CPQ: variants seen among roughly 807,000 people sequenced by gnomAD.
CPQ encodes carboxypeptidase Q.
In CPQ, 37 loss-of-function variants were observed where a neutral mutation model predicts 45.7. The observed-to-expected ratio is 0.81, with a 90% CI of 0.62 to 1.07. The LOEUF (loss-of-function observed/expected upper bound fraction) is 1.07. Among genes scored for constraint, CPQ ranks in the 50% least tolerant of loss-of-function variants. CPQ has a pLI of 0.00. For missense variants in CPQ, 537 were observed against 572.9 expected, an observed-to-expected ratio of 0.94 and a Z score of 0.64; for synonymous variants, 186 against 205.8, an observed-to-expected ratio of 0.90 and a Z score of 0.82.
intron 5 of CPQ, among the ~76,000 whole-genome samples, chr8:97,009,388 C>T (rs1329864654): frequency 6.6e-6 from 1 of 152,142 alleles, no homozygotes; most frequent in African/African-American, 2.4e-5. Flanking sequence ...TCTGATTTGT[C>T]CTTATTGTAG....
intron 6 of CPQ, among the ~76,000 whole-genome samples, chr8:97,054,846 C>A (rs1408114286): frequency 6.6e-6 from 1 of 152,086 alleles, no homozygotes; most frequent in Admixed American, 6.6e-5. Flanking sequence ...GTTACGGGTG[C>A]ACTAAAATCC....
intron 2 of CPQ, among the ~76,000 whole-genome samples, chr8:96,814,784 T>C (rs555047671): frequency 1.7e-4 from 26 of 152,212 alleles, no homozygotes; most frequent in African/African-American, 5.1e-4. Flanking sequence ...GATGCATAGA[T>C]TTTTAAAAAG....
At chr8:96,735,835 A>G (rs1191695249) in intron 1 of CPQ, among the ~76,000 whole-genome samples, 1 of 152,060 alleles carries the variant, frequency 6.6e-6, no homozygotes, top group East Asian at 1.9e-4. Context: ...TATATCTTCT[A>G]ACAGCAAGTC....
intron 1 of CPQ, among the ~76,000 whole-genome samples, chr8:96,762,863 A>G (rs1810421628): frequency 6.6e-6 from 1 of 152,178 alleles, no homozygotes; most frequent in African/African-American, 2.4e-5. Flanking sequence ...TCAATTTTTT[A>G]GTCCATTTTT....
chr8:96,738,023 A>G (rs1039808957), intron 1 of CPQ, among the ~76,000 whole-genome samples: 1 of 151,996 alleles, frequency 6.6e-6, no homozygotes, highest in Non-Finnish European at 1.5e-5. Flanking sequence ...CTAATGTGTA[A>G]TTTTGTTTGA....
At chr8:96,667,761 G>A (rs1046723468) in intron 1 of CPQ, among the ~76,000 whole-genome samples, 1 of 151,982 alleles carries the variant, frequency 6.6e-6, no homozygotes, top group African/African-American at 2.4e-5. Flanking sequence ...TTGCTCTACT[G>A]TCTGCCAACT....
intron 7 of CPQ, among the ~76,000 whole-genome samples, chr8:97,074,998 G>A (rs577597507): frequency 2.0e-5 from 3 of 152,194 alleles, no homozygotes; most frequent in Non-Finnish European, 2.9e-5. Flanking sequence ...ATACCGGAAC[G>A]CTTTACAAGG....
At chr8:96,815,922 A>T (rs1811223189) in intron 2 of CPQ, among the ~76,000 whole-genome samples, 1 of 152,158 alleles carries the variant, frequency 6.6e-6, no homozygotes, top group Non-Finnish European at 1.5e-5. Context: ...GCTAACTGTC[A>T]TCTGTGCCTT....
chr8:96,858,135 T>C (rs746945976), intron 3 of CPQ, among the ~76,000 whole-genome samples: 15 of 152,124 alleles, frequency 9.9e-5, no homozygotes, highest in Non-Finnish European at 1.6e-4. Context: ...GATGTGTATA[T>C]GAAGACTGTG....
intron 5 of CPQ, among the ~76,000 whole-genome samples, chr8:97,015,132 G>C (rs901879397): frequency 2.0e-5 from 3 of 152,054 alleles, no homozygotes; most frequent in Non-Finnish European, 2.9e-5. Flanking sequence ...ACTTGTACTT[G>C]ATTTACCATC....
intron 3 of CPQ, among the ~76,000 whole-genome samples, chr8:96,844,479 T>G (rs1347403198): frequency 1.3e-5 from 2 of 152,226 alleles, no homozygotes; most frequent in Non-Finnish European, 2.9e-5. Flanking sequence ...GCTCTCCCAT[T>G]TAGATGCTGT....
At chr8:97,136,187 A>AAAG (rs1772831087) in intron 7 of CPQ, among the ~76,000 whole-genome samples, 1 of 152,190 alleles carries the variant, frequency 6.6e-6, no homozygotes, top group African/African-American at 2.4e-5. Flanking sequence ...TACAAAAAAA[A>AAAG]AAGATTCATA....
chr8:96,767,995 T>C (rs1810491419), intron 1 of CPQ, among the ~76,000 whole-genome samples: 1 of 152,080 alleles, frequency 6.6e-6, no homozygotes, highest in African/African-American at 2.4e-5. Context: ...CAGCCTGGGA[T>C]GTGGTCTCCA....
At chr8:96,733,150 C>G (rs1809934058) in intron 1 of CPQ, among the ~76,000 whole-genome samples, 1 of 151,934 alleles carries the variant, frequency 6.6e-6, no homozygotes, top group African/African-American at 2.4e-5. Context: ...TCATGTAGAC[C>G]CTCCTCAAAT....
chr8:96,680,126 A>C (rs912982404), intron 1 of CPQ, among the ~76,000 whole-genome samples: 8 of 152,046 alleles, frequency 5.3e-5, no homozygotes, highest in Non-Finnish European at 1.5e-5. Context: ...TCACATCTTC[A>C]TTTGTTTCCA....
intron 4 of CPQ, among the ~76,000 whole-genome samples, chr8:96,960,677 T>C (rs1175382712): frequency 6.6e-6 from 1 of 152,190 alleles, no homozygotes; most frequent in Non-Finnish European, 1.5e-5. Context: ...ATAAACACAA[T>C]GCTAACTTTG....
At chr8:96,886,307 T>C (rs888948171) in intron 4 of CPQ, among the ~76,000 whole-genome samples, 9 of 152,196 alleles carry the variant, frequency 5.9e-5, no homozygotes, top group Admixed American at 3.3e-4. Context: ...TGGGAAATCA[T>C]GGTATATTTA....
At chr8:96,854,168 C>T (rs1410319473) in intron 3 of CPQ, among the ~76,000 whole-genome samples, 6 of 152,070 alleles carry the variant, frequency 3.9e-5, no homozygotes, top group Non-Finnish European at 7.4e-5. Flanking sequence ...GTTGCCACAT[C>T]CTATGGAGGT....
At position 96,878,219 on chromosome 8, in the gene CPQ, G is replaced by A. The variant is rs559301797; in HGVS notation, c.642-1579G>A. ...TTGACCTCATGATCCACCTGCCTCA[G>A]CCTCCCAATGTGCTGGGACTACAGG... On this transcript the variant is annotated intron_variant, in intron 3 of 7. Transcript: ENST00000220763. Among the ~76,000 whole-genome samples, 344 of 152,214 alleles carry A rather than the reference G, an allele frequency of 2.3e-3. 2 individuals carry two copies. The highest frequency in any genetic ancestry group is 7.7e-3 in the African/African-American group (321 of 41,528).
Sources: gnomAD v4.1 joint callset for allele counts (sites outside exome capture counted in the v4.1 genomes callset) on GRCh38, gnomAD v4.1.1 for gene constraint, MANE v1.5 for transcripts, NCBI Gene and HGNC (gene_info 2026-07-23, HGNC 2026-07-21) for gene names.